Variants in DSCAM observed in about 807,000 individuals in gnomAD.
The protein encoded by DSCAM is cell adhesion molecule DSCAM.
DSCAM carries 47 observed loss-of-function variants against 217.7 expected under a neutral mutation model. The observed-to-expected ratio is 0.22, with a 90% CI of 0.17 to 0.28. The LOEUF (loss-of-function observed/expected upper bound fraction) is 0.28. DSCAM is among the 10% of genes least tolerant of loss of function. The pLI is 1.00. For missense variants in DSCAM, 2,080 were observed against 2,618.3 expected, an observed-to-expected ratio of 0.79 and a Z score of 4.49; for synonymous variants, 1,056 against 1,015.3, an observed-to-expected ratio of 1.04 and a Z score of -0.76.
intron 9 of DSCAM, among the ~76,000 whole-genome samples, chr21:40,307,253 C>T (rs1252320897): frequency 6.6e-6 from 1 of 151,816 alleles, no homozygotes; most frequent in Non-Finnish European, 1.5e-5. Flanking sequence ...AAAAACAACC[C>T]CATCAAAAAG....
intron 1 of DSCAM, among the ~76,000 whole-genome samples, chr21:40,775,969 T>C (rs901263158): frequency 6.6e-6 from 1 of 152,200 alleles, no homozygotes. Flanking sequence ...TAACCAACCA[T>C]AGTGATGTGA....
At chr21:40,840,489 G>A (rs1359612057) in intron 1 of DSCAM, among the ~76,000 whole-genome samples, 6 of 152,240 alleles carry the variant, frequency 3.9e-5, no homozygotes, top group Admixed American at 1.3e-4. Flanking sequence ...ATTTAGCAGC[G>A]TACACTTGAG....
intron 3 of DSCAM, among the ~76,000 whole-genome samples, chr21:40,551,402 G>A (rs2076628721): frequency 6.6e-6 from 1 of 152,176 alleles, no homozygotes; most frequent in South Asian, 2.1e-4. Context: ...AAACTGTCTG[G>A]ATTAAGATAA....
chr21:40,509,354 G>A (rs1011479298), intron 3 of DSCAM, among the ~76,000 whole-genome samples: 2 of 152,180 alleles, frequency 1.3e-5, no homozygotes, highest in African/African-American at 4.8e-5. Context: ...ATATTGATTA[G>A]CAAAGGGTCT....
intron 3 of DSCAM, among the ~76,000 whole-genome samples, chr21:40,690,943 T>C (rs1601852886): frequency 1.3e-5 from 2 of 151,982 alleles, no homozygotes; most frequent in South Asian, 4.2e-4. Flanking sequence ...GGGTGGAGGG[T>C]GGGAGAAGGA....
At chr21:40,182,364 G>A (rs986283838) in intron 14 of DSCAM, among the ~76,000 whole-genome samples, 4 of 152,006 alleles carry the variant, frequency 2.6e-5, no homozygotes, top group Non-Finnish European at 5.9e-5. Flanking sequence ...GGGTTGGGGT[G>A]TGCACCTTCT....
chr21:40,142,880 G>A (rs1046879397), intron 17 of DSCAM, among the ~76,000 whole-genome samples, 176 bp from the exon 18 acceptor site: 3 of 152,194 alleles, frequency 2.0e-5, no homozygotes, highest in Admixed American at 6.5e-5. Context: ...TGATAACTCA[G>A]TGCTCAGTAA....
intron 3 of DSCAM, among the ~76,000 whole-genome samples, chr21:40,490,127 A>G (rs2076064586): frequency 6.6e-6 from 1 of 152,090 alleles, no homozygotes; most frequent in South Asian, 2.1e-4. Context: ...CCTTTATAAA[A>G]CCATCAGATT....
chr21:40,068,894 T>C (rs922756380), intron 27 of DSCAM, among the ~76,000 whole-genome samples: 1 of 152,124 alleles, frequency 6.6e-6, no homozygotes, highest in African/African-American at 2.4e-5. Flanking sequence ...GAGACCAGCC[T>C]GACCAACTTG....
chr21:40,253,922 A>C (rs951418352), intron 11 of DSCAM, among the ~76,000 whole-genome samples: 11 of 152,176 alleles, frequency 7.2e-5, no homozygotes, highest in African/African-American at 2.4e-4. Flanking sequence ...TATCAAACCC[A>C]AGGAGGGTGT....
At position 40,364,729 on chromosome 21, in the gene DSCAM, C is replaced by CAT. The variant is rs375390737; in HGVS notation, c.655+4368_655+4369dup. ...ATATACACACACAGTAGTATATATACATATATATATATACACACACTAGTA... is the reference window on the plus strand; with the variant it reads ...ATATACACACACAGTAGTATATATACATATATATATATATACACACACTAGTA... On this transcript the variant is annotated intron_variant, in intron 4 of 32. Coordinates refer to ENST00000400454, the MANE Select transcript of DSCAM (RefSeq NM_001389.5). Among the ~76,000 whole-genome samples, 473 of 140,714 alleles carry CAT rather than the reference C, an allele frequency of 3.4e-3. 3 individuals are homozygous for CAT. Among genetic ancestry groups the CAT allele is most frequent in the African/African-American group, 6.0e-3 (224 of 37,608 alleles). 92.3% of individuals were successfully genotyped at this position (140,714 alleles called of 152,430 possible). A position where few individuals can be genotyped will look rare whatever the true frequency, so the allele number is the denominator to read the frequency against.
intron 3 of DSCAM, among the ~76,000 whole-genome samples, chr21:40,585,403 G>C (rs1258202802): frequency 1.3e-4 from 6 of 44,558 alleles, no homozygotes; most frequent in African/African-American, 3.7e-4. Context: ...CTGGGCGACA[G>C]AGCAAGACTC....
chr21:40,243,525 A>C (rs2073181594), intron 11 of DSCAM, among the ~76,000 whole-genome samples: 1 of 152,200 alleles, frequency 6.6e-6, no homozygotes, highest in Non-Finnish European at 1.5e-5. Flanking sequence ...TCATTCAAAA[A>C]CTAAGATTTG....
chr21:40,384,166 G>A (rs967803689), intron 3 of DSCAM: 2 of 152,444 alleles, frequency 1.3e-5, no homozygotes, highest in African/African-American at 4.8e-5. Flanking sequence ...GAGGCCCACA[G>A]GTTGGTGCTA....
intron 3 of DSCAM, among the ~76,000 whole-genome samples, chr21:40,410,429 T>C (rs184153592): frequency 2.4e-4 from 37 of 152,070 alleles, no homozygotes; most frequent in African/African-American, 8.7e-4. Flanking sequence ...AGGACTCCTA[T>C]CAGAGGAAAG....
chr21:40,305,795 G>A (rs2074067151), intron 9 of DSCAM, among the ~76,000 whole-genome samples: 1 of 151,938 alleles, frequency 6.6e-6, no homozygotes, highest in African/African-American at 2.4e-5. Flanking sequence ...TGTTCCATTG[G>A]TCTATATCTC....
intron 3 of DSCAM, among the ~76,000 whole-genome samples, chr21:40,626,290 G>T (rs906231944): frequency 6.6e-6 from 1 of 152,062 alleles, no homozygotes; most frequent in African/African-American, 2.4e-5. Flanking sequence ...ATCTGAAAAT[G>T]TATCTCACAT....
intron 3 of DSCAM, among the ~76,000 whole-genome samples, chr21:40,654,229 A>C (rs938305490): frequency 6.6e-6 from 1 of 152,250 alleles, no homozygotes; most frequent in Non-Finnish European, 1.5e-5. Flanking sequence ...TTTAAAAATC[A>C]TATTGGCTAT....
At chr21:40,773,278 A>T (rs2091462189) in intron 1 of DSCAM, among the ~76,000 whole-genome samples, 1 of 152,194 alleles carries the variant, frequency 6.6e-6, no homozygotes, top group South Asian at 2.1e-4. Context: ...ATTTGGTCCA[A>T]AATTGAGATG....
Sources: gnomAD v4.1 joint callset for allele counts (sites outside exome capture counted in the v4.1 genomes callset) on GRCh38, gnomAD v4.1.1 for gene constraint, MANE v1.5 for transcripts, NCBI Gene and HGNC (gene_info 2026-07-23, HGNC 2026-07-21) for gene names.